TBC1D9B: variants seen among roughly 807,000 people sequenced by gnomAD.
TBC1D9B encodes the protein TBC1 domain family, member 9B (with GRAM domain).
Under a neutral mutation model 121.1 loss-of-function variants are expected in TBC1D9B, and 87 were observed. The ratio of observed to expected loss-of-function variants is 0.72; its 90% CI spans 0.60 to 0.86. The LOEUF (loss-of-function observed/expected upper bound fraction) is 0.86. TBC1D9B is among the 40% of genes least tolerant of loss of function. The probability of loss-of-function intolerance (pLI) is 0.00; values close to 1 mark genes in which losing one functional copy is unlikely to be tolerated. For synonymous variants in TBC1D9B, 668 were observed against 670.1 expected (o/e 1.00, Z 0.05); for missense variants, 1,540 against 1,628.6 (o/e 0.95, Z 0.94).
At chr5:179,884,568 A>G (rs894384264) in intron 7 of TBC1D9B, 1 of 152,244 alleles carries the variant, frequency 6.6e-6, no homozygotes, top group Non-Finnish European at 1.5e-5. Context: ...AGACATCTGT[A>G]CACCCATGTT....
At chr5:179,864,720 T>G (rs920902719) in intron 20 of TBC1D9B, among the ~76,000 whole-genome samples, 5 of 152,186 alleles carry the variant, frequency 3.3e-5, no homozygotes, top group African/African-American at 4.8e-5. Flanking sequence ...GTGGTCAGAT[T>G]GCAGGGTCCC....
In TBC1D9B at chr5:179,885,606, G is replaced by A. The variant is rs1760661578; in HGVS notation, c.1254+2497C>T. ...TCTGTCCCCCCCCCAAAAAAAAAAA[G>A]ATGGAGGTATTTTACGTTTTTCTTT... On this transcript the variant is annotated intron_variant, in intron 7 of 20. Transcript: ENST00000355235. The surrounding 1 kb of genome is among the most constrained non-coding windows in gnomAD (Gnocchi z 4.5). 6.7e-6 allele frequency among the ~76,000 whole-genome samples: 1 copy of A among 149,120 alleles called. No individual in the cohort carries two copies. Among genetic ancestry groups the A allele is most frequent in the South Asian group, 2.1e-4 (1 of 4,666 alleles).
intron 7 of TBC1D9B, among the ~76,000 whole-genome samples, chr5:179,881,761 A>T (rs1350672901): frequency 2.0e-5 from 3 of 151,988 alleles, no homozygotes; most frequent in African/African-American, 7.3e-5. Flanking sequence ...ATCATTATAT[A>T]GTTTCTTAGT....
intron 10 of TBC1D9B, among the ~76,000 whole-genome samples, chr5:179,877,547 C>T (rs1020965196): frequency 2.0e-5 from 3 of 151,456 alleles, no homozygotes; most frequent in African/African-American, 7.3e-5. Flanking sequence ...GCCTGTAATC[C>T]CAGCTACTCA....
intron 3 of TBC1D9B, among the ~76,000 whole-genome samples, chr5:179,897,052 C>G (rs1056719129): frequency 4.6e-5 from 7 of 151,380 alleles, no homozygotes; most frequent in Non-Finnish European, 8.8e-5. Flanking sequence ...GACTACAGGC[C>G]CCCGCCACCA....
At chr5:179,906,562 C>A (rs1431939992) in intron 1 of TBC1D9B, among the ~76,000 whole-genome samples, 1 of 152,198 alleles carries the variant, frequency 6.6e-6, no homozygotes, top group Non-Finnish European at 1.5e-5. Flanking sequence ...CTTTCTTCAT[C>A]GGGCTTGCAG....
intron 2 of TBC1D9B, among the ~76,000 whole-genome samples, chr5:179,901,199 C>T (rs1761157164): frequency 6.6e-6 from 1 of 152,198 alleles, no homozygotes; most frequent in African/African-American, 2.4e-5. Flanking sequence ...CAGAATTACT[C>T]CTGGAAGCCC....
Position 179,885,833 on chromosome 5 carries a change from C to T in TBC1D9B, c.1254+2270G>A, listed in dbSNP as rs956000188. Among the ~76,000 whole-genome samples the T allele has an allele frequency of 2.0e-5, 3 of 152,174 alleles. No individual in the cohort carries two copies. Among genetic ancestry groups the T allele is most frequent in the African/African-American group, 7.2e-5 (3 of 41,444 alleles). The stretch of plus-strand genomic sequence containing the variant: ...GTCGTGCCCTCCTCTGGTCATGACT[C>T]TTCACTGGCTTCCCCTCTCACCTGA... On this transcript the variant is annotated intron_variant, in intron 7 of 20. Transcript: ENST00000355235. The surrounding 1 kb of genome is among the most constrained non-coding windows in gnomAD (Gnocchi z 4.5).
Position 179,907,695 on chromosome 5 carries a change from G to C in TBC1D9B, c.118+9C>G. 9.1e-7 allele frequency: 1 copy of C among 1,096,582 alleles called. No individual in the cohort carries two copies. The highest frequency in any genetic ancestry group is 1.1e-6 in the Non-Finnish European group (1 of 886,886). The allele number at this position is 1,096,582 out of a possible 1,614,324, so 67.9% of individuals were successfully genotyped here. A position where few individuals can be genotyped will look rare whatever the true frequency, so the allele number is the denominator to read the frequency against. ...CGCCCACAGGCCCGGCCGCCCGCGCGCCTCTCACCCGTAAGGCCGCCGCCC... is the reference window on the plus strand; with the variant it reads ...CGCCCACAGGCCCGGCCGCCCGCGCCCCTCTCACCCGTAAGGCCGCCGCCC... On this transcript the variant is annotated intron_variant, in intron 1 of 20. Coordinates refer to ENST00000355235, the MANE Select transcript of TBC1D9B (RefSeq NM_015043.4). This position sits in a 1 kb window ranked among gnomAD's most constrained non-coding sequence, Gnocchi z 5.3.
rs74614654 is a variant in TBC1D9B, at chr5:179,877,860, C to T, written c.1782+449G>A. ...TTATATGAGACACAGTAGTCAAATT[C>T]ATAGCAATGGAAAGTAGAACAGTGG... On this transcript the variant is annotated intron_variant, in intron 10 of 20. Transcript: ENST00000355235. Among the ~76,000 whole-genome samples, 29 of 152,162 alleles carry T rather than the reference C, an allele frequency of 1.9e-4. No individual in the cohort carries two copies. The East Asian group carries it at 4.2e-3, about 22-fold the overall frequency.
At chr5:179,887,171 C>G (rs976290464) in intron 7 of TBC1D9B, among the ~76,000 whole-genome samples, 3 of 152,202 alleles carry the variant, frequency 2.0e-5, no homozygotes, top group Non-Finnish European at 4.4e-5. Context: ...AGAATTTCAG[C>G]TCCCAGACGA....
rs759197207 is a variant in TBC1D9B, at chr5:179,873,255, A to G, written c.2187-7T>C. The G allele has an allele frequency of 8.8e-6, 14 of 1,595,224 alleles. No homozygotes were observed. Among genetic ancestry groups the G allele is most frequent in the Non-Finnish European group, 1.2e-5 (14 of 1,170,824 alleles). On this transcript the variant is annotated splice_region_variant and splice_polypyrimidine_tract_variant and intron_variant, in intron 12 of 20. Coordinates refer to ENST00000355235, the MANE Select transcript of TBC1D9B (RefSeq NM_015043.4). ...GACCACATTATCCAGGTATCTGCAA[A>G]GGACAGAGGACAACAGTCCAGACCA...
intron 2 of TBC1D9B, among the ~76,000 whole-genome samples, chr5:179,900,750 A>T (rs572965794): frequency 1.6e-4 from 24 of 152,322 alleles, no homozygotes; most frequent in Admixed American, 1.5e-3. Flanking sequence ...CGCCTGAAAG[A>T]AGCTGCTCGC....
At chr5:179,899,417 GAC>G (rs1761109756) in intron 2 of TBC1D9B, 110 bp from the exon 3 acceptor site, 2 of 844,182 alleles carry the variant, frequency 2.4e-6, no homozygotes, top group Admixed American at 4.3e-5. Context: ...AAATCTAAGT[GAC>G]CAGAATCTTC....
rs760606877 is a variant in TBC1D9B, at chr5:179,865,977, T to C, written c.2864-89A>G. 2 of 1,527,136 alleles carry C rather than the reference T, an allele frequency of 1.3e-6. No individual in the cohort carries two copies. Among genetic ancestry groups the C allele is most frequent in the Non-Finnish European group, 1.8e-6 (2 of 1,104,086 alleles). 94.6% of individuals were successfully genotyped at this position (1,527,136 alleles called of 1,614,324 possible). A position where few individuals can be genotyped will look rare whatever the true frequency, so the allele number is the denominator to read the frequency against. On this transcript the variant is annotated intron_variant, in intron 18 of 20. Coordinates refer to ENST00000355235, the MANE Select transcript of TBC1D9B (RefSeq NM_015043.4). The surrounding 1 kb of genome is among the most constrained non-coding windows in gnomAD (Gnocchi z 5.1). ...GGGGTCCTTGAGATGTAGTCTGTGT[T>C]TCTGTACAGCCAGCCCCAGGCCAGG...
At chr5:179,886,506 T>A (rs1263625477) in intron 7 of TBC1D9B, among the ~76,000 whole-genome samples, 6 of 152,234 alleles carry the variant, frequency 3.9e-5, no homozygotes, top group Admixed American at 3.9e-4. Context: ...AAATCCCAGA[T>A]GAAGCCCAAC....
At chr5:179,906,217 T>C (rs1413187776) in intron 1 of TBC1D9B, among the ~76,000 whole-genome samples, 2 of 152,146 alleles carry the variant, frequency 1.3e-5, no homozygotes, top group Admixed American at 1.3e-4. Context: ...ACGATGCCCA[T>C]GATGGCACAG....
In TBC1D9B at chr5:179,904,618, C is replaced by T. The variant is rs1761259832; in HGVS notation, c.229+84G>A. ...GTCAGCAGGGAATACCACCCAGACA[C>T]GTGGGCTACACACCCCTTCCTCTCG... On this transcript the variant is annotated intron_variant, in intron 2 of 20. Transcript: ENST00000355235. This position sits in a 1 kb window ranked among gnomAD's most constrained non-coding sequence, Gnocchi z 4.2. 2.5e-6 allele frequency: 3 copies of T among 1,178,858 alleles called. No homozygotes were observed. Among genetic ancestry groups the T allele is most frequent in the Non-Finnish European group, 3.7e-6 (3 of 816,780 alleles). The allele number at this position is 1,178,858 out of a possible 1,614,324, so 73.0% of individuals were successfully genotyped here.
chr5:179,867,498 G>A, intron 18 of TBC1D9B: 2 of 1,559,756 alleles, frequency 1.3e-6, no homozygotes, highest in Non-Finnish European at 8.7e-7. Context: ...AGGAGATGCT[G>A]GAAGGGACAG....
Sources: allele counts gnomAD v4.1 joint callset (sites outside exome capture counted in the v4.1 genomes callset), GRCh38; gene constraint gnomAD v4.1.1; non-coding constraint Gnocchi (gnomAD v3.1); transcripts MANE v1.5; gene names NCBI Gene and HGNC (gene_info 2026-07-23, HGNC 2026-07-21).